GPR179: variants seen among roughly 807,000 people sequenced by gnomAD.
GPR179 encodes G protein-coupled receptor 179, also known as probable G protein-coupled receptor 179.
Under a neutral mutation model 70.8 loss-of-function variants are expected in GPR179, and 52 were observed. The observed-to-expected ratio is 0.73, with a 90% CI of 0.59 to 0.93. GPR179 has a LOEUF of 0.93. Ranked by LOEUF, GPR179 falls within the 40% of genes least tolerant of loss-of-function variation. The pLI is 0.00. For missense variants in GPR179, 2,734 were observed against 2,966.8 expected, an observed-to-expected ratio of 0.92 and a Z score of 1.82; for synonymous variants, 1,123 against 1,169.0, an observed-to-expected ratio of 0.96 and a Z score of 0.80.
intron 2 of GPR179, 23 bp from the exon 3 acceptor site, chr17:38,337,743 A>G (rs1321055980): frequency 6.3e-7 from 1 of 1,576,418 alleles, no homozygotes; most frequent in Admixed American, 1.7e-5. Flanking sequence ...CAAACACAGT[A>G]TGTGTTTATG....
At chr17:38,338,248 G>A (rs763678528) in intron 2 of GPR179, among the ~76,000 whole-genome samples, 1 of 152,234 alleles carries the variant, frequency 6.6e-6, no homozygotes, top group Non-Finnish European at 1.5e-5. Flanking sequence ...GCTAATGCCA[G>A]GCTGGTGGGA....
chr17:38,326,826 C>T lies in GPR179; in HGVS notation c.6743G>A (p.Gly2248Glu), dbSNP rs777801317. The T allele has an allele frequency of 6.8e-6, 11 of 1,614,204 alleles. No individual in the cohort carries two copies. The highest frequency in any genetic ancestry group is 9.3e-6 in the Non-Finnish European group (11 of 1,180,016). The stretch of plus-strand genomic sequence containing the variant: ...GAGGCCAGATTCCTCAGATGGGACT[C>T]CAGTTTCCTCCCCAGGACAGATGTC... Reference protein sequence around the residue: ...MADICPGEETGVPSEESGLLA... With the variant: ...MADICPGEETEVPSEESGLLA... The change falls in exon 11 of 11, where the codon GGA (glycine) becomes GAA (glutamate). Residue 2248 changes from glycine to glutamate, a missense_variant. Transcript: ENST00000616987.
At chr17:38,339,793 A>G (rs779907041) in intron 1 of GPR179, among the ~76,000 whole-genome samples, 18 of 152,318 alleles carry the variant, frequency 1.2e-4, no homozygotes, top group Non-Finnish European at 2.4e-4. Context: ...CATAGAAACT[A>G]GAATCCCCCT....
chr17:38,326,864 C>A lies in GPR179; in HGVS notation c.6705G>T (p.Lys2235Asn), dbSNP rs1567721623. Residue 2235 changes from lysine to asparagine, a missense_variant, in exon 11 of 11, where the codon AAG (lysine) becomes AAT (asparagine). Transcript: ENST00000616987. Reference protein sequence around the residue: ...EITDPEGNKIKGTMADICPGE... With the variant: ...EITDPEGNKINGTMADICPGE... ...CAGGACAGATGTCTGCCATGGTACC[C>A]TTTATTTTATTTCCTTCTGGATCTG... 1 of 1,614,178 alleles carries A rather than the reference C, an allele frequency of 6.2e-7. No individual in the cohort carries two copies. Among genetic ancestry groups the A allele is most frequent in the East Asian group, 2.2e-5 (1 of 44,880 alleles).
intron 2 of GPR179, 37 bp from the exon 3 acceptor site, chr17:38,337,757 G>T: frequency 6.4e-7 from 1 of 1,563,488 alleles, no homozygotes; most frequent in South Asian, 1.1e-5. Context: ...GTTTATGTGG[G>T]GCTTTCTCTG....
rs1420508662 is a variant in GPR179 at position 38,333,973 on chromosome 17, C to T, written c.1850G>A (p.Ser617Asn). 2.5e-6 allele frequency: 4 copies of T among 1,613,516 alleles called. No homozygotes were observed. Among genetic ancestry groups the T allele is most frequent in the Non-Finnish European group, 3.4e-6 (4 of 1,179,824 alleles). Reference protein sequence around the residue: ...TLLLFFFHTHSTVTTTLALIF... With the variant: ...TLLLFFFHTHNTVTTTLALIF... ...CAGAGCCAGCGTGGTGGTGACTGTG[C>T]TGTGGGTGTGGAAGAAGAAGAGGAG... Residue 617 changes from serine (S) to asparagine (N), a missense_variant, in exon 9 of 11, where the codon AGC becomes AAC. Ser to Asn is a conservative substitution (Grantham distance 46). Coordinates refer to ENST00000616987, the MANE Select transcript of GPR179 (RefSeq NM_001004334.4).
chr17:38,343,931 G>A lies in GPR179; in HGVS notation c.-142C>T, dbSNP rs192913691. 110 of 669,608 alleles carry A rather than the reference G, an allele frequency of 1.6e-4. No homozygotes were observed. The African/African-American group carries it at 1.8e-3, about 11-fold the overall frequency. The allele number at this position is 669,608 out of a possible 1,614,324, so 41.5% of individuals were successfully genotyped here. ...CTCTCCGTCTCCCTCTCACGCTGGT[G>A]CCAGCTCGCCTGCTTTTTTCTTCTC... is the stretch of plus-strand genomic sequence containing the variant. On this transcript the variant is annotated 5_prime_UTR_variant, in exon 1 of 11. Coordinates refer to ENST00000616987, the MANE Select transcript of GPR179 (RefSeq NM_001004334.4). The surrounding 1 kb of genome is among the most constrained non-coding windows in gnomAD (Gnocchi z 4.2).
In GPR179 at chr17:38,328,599, C is replaced by T; in HGVS notation, c.4970G>A (p.Gly1657Asp). ...AVGPWESVDP[G>D]SFSPQPRPQD... ...AGGACGTGGTTGTGGGGAGAAGCTG[C>T]CAGGGTCCACACTCTCCCAGGGGCC... The change falls in exon 11 of 11, where the codon GGC (glycine) becomes GAC (aspartate). Residue 1657 changes from glycine to aspartate, a missense_variant. Transcript: ENST00000616987. 1 of 1,614,126 alleles carries T rather than the reference C, an allele frequency of 6.2e-7. No individual in the cohort carries two copies.
Position 38,334,555 on chromosome 17 carries a change from A to C in GPR179, c.1784+149T>G. 1.1e-5 allele frequency: 8 copies of C among 711,632 alleles called. No individual in the cohort carries two copies. The highest frequency in any genetic ancestry group is 2.3e-5 in the Admixed American group (1 of 43,980). The allele number at this position is 711,632 out of a possible 1,614,324, so 44.1% of individuals were successfully genotyped here. A position where few individuals can be genotyped will look rare whatever the true frequency, so the allele number is the denominator to read the frequency against. ...AGTACAGAAGGGGCATCTGGGGGGT[A>C]GGGAGAGAGCCAGAAGTGGGGGCCT... On this transcript the variant is annotated intron_variant, in intron 8 of 10. Transcript: ENST00000616987. The surrounding 1 kb of genome is among the most constrained non-coding windows in gnomAD (Gnocchi z 4.7).
chr17:38,327,650 G>A lies in GPR179; in HGVS notation c.5919C>T (p.Asp1973=), dbSNP rs747523702. 4.3e-6 allele frequency: 7 copies of A among 1,614,218 alleles called. No individual in the cohort carries two copies. The East Asian group carries it at 1.6e-4, about 36-fold the overall frequency. The change falls in exon 11 of 11, where the codon GAC becomes GAT. Residue 1973 remains aspartate, a synonymous_variant. Coordinates refer to ENST00000616987, the MANE Select transcript of GPR179 (RefSeq NM_001004334.4). The part of the protein sequence containing the change: ...TAPADSVSHL[D]RQRPDQPKAS... ...CTTTAGGTTGGTCAGGGCGCTGTCT[G>A]TCTAGGTGAGAGACGGAATCTGCTG...
At position 38,326,825 on chromosome 17, in the gene GPR179, T is replaced by G. The variant is rs758687206; in HGVS notation, c.6744A>C (p.Gly2248=). ...MADICPGEET[G]VPSEESGLLA... is the part of the protein sequence containing the mutation. ...GGAGGCCAGATTCCTCAGATGGGACTCCAGTTTCCTCCCCAGGACAGATGT... is the reference window on the plus strand; with the variant it reads ...GGAGGCCAGATTCCTCAGATGGGACGCCAGTTTCCTCCCCAGGACAGATGT... The change falls in exon 11 of 11, where the codon GGA becomes GGC. Residue 2248 remains glycine (G), a synonymous_variant. Coordinates refer to ENST00000616987, the MANE Select transcript of GPR179 (RefSeq NM_001004334.4). 1 of 1,614,234 alleles carries G rather than the reference T, an allele frequency of 6.2e-7. No homozygotes were observed. The highest frequency in any genetic ancestry group is 1.3e-5 in the African/African-American group (1 of 75,070).
Position 38,333,353 on chromosome 17 carries a change from C to G in GPR179, c.1935G>C (p.Glu645Asp), listed in dbSNP as rs765477909. 1 of 1,613,926 alleles carries G rather than the reference C, an allele frequency of 6.2e-7. No individual in the cohort carries two copies. The highest frequency in any genetic ancestry group is 1.7e-5 in the Admixed American group (1 of 59,992). The change falls in exon 10 of 11, where the codon GAG (glutamate) becomes GAC (aspartate). Residue 645 changes from glutamate to aspartate, a missense_variant. Physicochemically the swap from Glu to Asp is conservative, Grantham distance 45. Transcript: ENST00000616987. ...GCAGGTCCAGCTCGTCCTCACACAC[C>G]TCATCCACCATCTCCTCCCGGGGAG... The part of the protein sequence containing the change: ...GAPPREEMVD[E>D]VCEDELDLQH...
In GPR179 at chr17:38,330,947, C is replaced by T. The variant is rs759120043; in HGVS notation, c.2622G>A (p.Lys874=). 1.2e-6 allele frequency: 2 copies of T among 1,611,068 alleles called. No homozygotes were observed. The highest frequency in any genetic ancestry group is 1.7e-6 in the Non-Finnish European group (2 of 1,178,986). ...CCAGGCTGGCCATGGCTGCCTTGGC[C>T]TTCTTCCGCTCCTCCCGCTCCTTTG... The part of the protein sequence containing the change: ...RQAKEREERK[K]AKAAMASLVR... The change falls in exon 11 of 11, where the codon AAG becomes AAA. Residue 874 remains lysine (K), a synonymous_variant. Coordinates refer to ENST00000616987, the MANE Select transcript of GPR179 (RefSeq NM_001004334.4).
intron 1 of GPR179, among the ~76,000 whole-genome samples, chr17:38,340,141 C>CTTT (rs374715961): frequency 1.3e-5 from 2 of 151,744 alleles, no homozygotes; most frequent in African/African-American, 4.8e-5. Context: ...TCTATTCTTT[C>CTTT]TTTTTTTTTC....
chr17:38,330,299 C>T lies in GPR179; in HGVS notation c.3270G>A (p.Ala1090=), dbSNP rs375863870. ...TCCGAGAACGGGTCAGAGCTTTAAT[C>T]GCCAGCCCCAGGCTGCGCATGGAAC... ...QQGSMRSLGL[A]IKALTRSRST... The change falls in exon 11 of 11, where the codon GCG becomes GCA. Residue 1090 remains alanine, a synonymous_variant. Coordinates refer to ENST00000616987, the MANE Select transcript of GPR179 (RefSeq NM_001004334.4). 70 of 1,611,830 alleles carry T rather than the reference C, an allele frequency of 4.3e-5. 1 individual carries two copies. The highest frequency in any genetic ancestry group is 1.8e-4 in the South Asian group (16 of 90,858).
rs369939355 is a variant in GPR179 at position 38,333,406 on chromosome 17, G to A, written c.1891-9C>T. ...GCCCCCAGCTTCCAGAACTGGCAGG[G>A]GTGCATAAGAGTGGGAAAAAGACTC... On this transcript the variant is annotated splice_polypyrimidine_tract_variant and intron_variant, in intron 9 of 10. Coordinates refer to ENST00000616987, the MANE Select transcript of GPR179 (RefSeq NM_001004334.4). The A allele has an allele frequency of 5.0e-6, 8 of 1,612,590 alleles. No homozygotes were observed. The African/African-American group carries it at 1.1e-4, about 22-fold the overall frequency.
chr17:38,335,045 T>G lies in GPR179; in HGVS notation c.1633A>C (p.Ile545Leu). 1 of 1,612,896 alleles carries G rather than the reference T, an allele frequency of 6.2e-7. No individual in the cohort carries two copies. Among genetic ancestry groups the G allele is most frequent in the Non-Finnish European group, 8.5e-7 (1 of 1,179,296 alleles). The part of the protein sequence containing the change: ...YLCHHDRWDY[I>L]MVVAELLLLC... ...AGAAGCAGCTCACCCACAACCATGA[T>G]GTAGTCCCAGCGGTCGTGGTGACAG... Residue 545 changes from isoleucine to leucine, a missense_variant, in exon 7 of 11, where the codon ATC becomes CTC. Physicochemically the swap from Ile to Leu is conservative, Grantham distance 5. Coordinates refer to ENST00000616987, the MANE Select transcript of GPR179 (RefSeq NM_001004334.4).
rs750948935 is a variant in GPR179 at position 38,326,676 on chromosome 17, C to T, written c.6893G>A (p.Ser2298Asn). Residue 2298 changes from serine (S) to asparagine (N), a missense_variant, in exon 11 of 11, where the codon AGC becomes AAC. Transcript: ENST00000616987. ...TAGAGTGAAAGTACTGGCTGGCCTG[C>T]TTACCTTGGGGCAGGGGATTTTGCT... is the stretch of plus-strand genomic sequence containing the variant. The part of the protein sequence containing the change: ...PESKIPCPKV[S>N]RPASTFTLEG... 1.1e-5 allele frequency: 17 copies of T among 1,614,202 alleles called. No individual in the cohort carries two copies. The East Asian group carries it at 3.6e-4, about 34-fold the overall frequency.
In GPR179 at chr17:38,335,148, C is replaced by A; in HGVS notation, c.1530G>T (p.Val510=). 1 of 1,590,106 alleles carries A rather than the reference C, an allele frequency of 6.3e-7. No individual in the cohort carries two copies. Among genetic ancestry groups the A allele is most frequent in the Non-Finnish European group, 8.6e-7 (1 of 1,168,914 alleles). ...PVLGFLAVWT[V]GALERGIQHA... ...GCTGGATGCCTCGCTCCAGGGCGCCCACGGTCCACACAGCCAGGAAGCCCA... is the reference window on the plus strand; with the variant it reads ...GCTGGATGCCTCGCTCCAGGGCGCCAACGGTCCACACAGCCAGGAAGCCCA... The change falls in exon 7 of 11, where the codon GTG becomes GTT. Residue 510 remains valine (V), a synonymous_variant. Coordinates refer to ENST00000616987, the MANE Select transcript of GPR179 (RefSeq NM_001004334.4).
Sources: allele counts gnomAD v4.1 joint callset (sites outside exome capture counted in the v4.1 genomes callset), GRCh38; gene constraint gnomAD v4.1.1; non-coding constraint Gnocchi (gnomAD v3.1); transcripts MANE v1.5; gene names NCBI Gene and HGNC (gene_info 2026-07-23, HGNC 2026-07-21).